Variants in CLOCK observed in about 807,000 individuals in gnomAD.
CLOCK encodes the protein clock circadian regulator.
Under a neutral mutation model 118.4 loss-of-function variants are expected in CLOCK, and 43 were observed. The observed-to-expected ratio is 0.36, with a 90% CI of 0.28 to 0.47. The LOEUF is 0.47. Among genes scored for constraint, CLOCK ranks in the 20% least tolerant of loss-of-function variants. The pLI is 1.00. For synonymous variants in CLOCK, 326 were observed against 339.2 expected (o/e 0.96, Z 0.43); for missense variants, 846 against 999.9 (o/e 0.85, Z 2.08).
intron 1 of CLOCK, among the ~76,000 whole-genome samples, chr4:55,531,888 A>AT (rs1299684829): frequency 1.4e-5 from 2 of 143,150 alleles, no homozygotes; most frequent in South Asian, 2.4e-4. Context: ...ATGAATAGTG[A>AT]TTTTTTAAAT....
intron 13 of CLOCK, 93 bp from the exon 14 acceptor site, chr4:55,453,917 A>T: frequency 1.1e-6 from 1 of 932,728 alleles, no homozygotes; most frequent in Non-Finnish European, 1.6e-6. Context: ...TTAAGTTTAC[A>T]CATACTATTA....
chr4:55,460,380 C>G (rs1204749156), intron 9 of CLOCK, among the ~76,000 whole-genome samples: 2 of 152,226 alleles, frequency 1.3e-5, no homozygotes, highest in African/African-American at 4.8e-5. Context: ...GACATTCGAA[C>G]TTGATTGTCC....
At chr4:55,506,169 T>C (rs1728784302) in intron 2 of CLOCK, among the ~76,000 whole-genome samples, 1 of 152,196 alleles carries the variant, frequency 6.6e-6, no homozygotes, top group South Asian at 2.1e-4. Context: ...CTGTCATGTC[T>C]ACCCAGACTT....
rs539024503 is a variant in CLOCK, at chr4:55,432,533, T to C, written c.*2882A>G. 16 of 145,804 alleles carry C rather than the reference T, an allele frequency of 1.1e-4. No homozygotes were observed. The highest frequency in any genetic ancestry group is 3.5e-4 in the African/African-American group (14 of 39,488). The allele number at this position is 145,804 out of a possible 1,614,324, so 9.0% of individuals were successfully genotyped here. ...TTCTATTTGGTATCTTTAAATGCTA[T>C]AGATTTGGGATTTTAACTAACAGCT... On this transcript the variant is annotated 3_prime_UTR_variant, in exon 23 of 23. Coordinates refer to ENST00000513440, the MANE Select transcript of CLOCK (RefSeq NM_004898.4).
chr4:55,508,541 C>T (rs1032248371), intron 2 of CLOCK, among the ~76,000 whole-genome samples: 12 of 152,128 alleles, frequency 7.9e-5, no homozygotes, highest in Non-Finnish European at 8.8e-5. Flanking sequence ...ACTCCTTCAG[C>T]CATGTAGAGC....
At position 55,430,871 on chromosome 4, in the gene CLOCK, A is replaced by C. The variant is rs1051843556; in HGVS notation, c.*4544T>G. 2.0e-5 allele frequency: 3 copies of C among 152,178 alleles called. No homozygotes were observed. The highest frequency in any genetic ancestry group is 4.4e-5 in the Non-Finnish European group (3 of 68,036). The allele number at this position is 152,178 out of a possible 1,614,324, so 9.4% of individuals were successfully genotyped here. A position where few individuals can be genotyped will look rare whatever the true frequency, so the allele number is the denominator to read the frequency against. ...CAAGATAGGTTTACAATAGTGTTTA[A>C]ATCAAACTAGGCATCTACAATCTCT... On this transcript the variant is annotated 3_prime_UTR_variant, in exon 23 of 23. Coordinates refer to ENST00000513440, the MANE Select transcript of CLOCK (RefSeq NM_004898.4).
chr4:55,479,116 G>A, intron 5 of CLOCK, 153 bp from the exon 6 acceptor site: 10 of 583,882 alleles, frequency 1.7e-5, no homozygotes, highest in South Asian at 1.0e-4. Context: ...AGTTAATTTG[G>A]GCAATAATTT....
intron 1 of CLOCK, chr4:55,546,008 C>G (rs1731593943): frequency 6.6e-6 from 1 of 152,344 alleles, no homozygotes; most frequent in Admixed American, 6.5e-5. Context: ...CGGCCGGCAA[C>G]GGCGGCCGTT....
At position 55,443,792 on chromosome 4, in the gene CLOCK, G is replaced by T; in HGVS notation, c.1797C>A (p.Gly599=). 6.2e-7 allele frequency: 1 copy of T among 1,613,964 alleles called. No homozygotes were observed. Among genetic ancestry groups the T allele is most frequent in the Non-Finnish European group, 8.5e-7 (1 of 1,179,896 alleles). ...IQQLAPINMQ[G]QVVPTNQIQS... ...GAATCTGGTTAGTAGGAACAACTTGGCCTTGCATATTTATAGGTGCAAGTT... is the reference window on the plus strand; with the variant it reads ...GAATCTGGTTAGTAGGAACAACTTGTCCTTGCATATTTATAGGTGCAAGTT... The change falls in exon 20 of 23, where the codon GGC becomes GGA. Residue 599 remains glycine, a synonymous_variant. Transcript: ENST00000513440.
intron 1 of CLOCK, among the ~76,000 whole-genome samples, chr4:55,546,266 C>CT (rs1731616453): frequency 6.6e-6 from 1 of 152,166 alleles, no homozygotes; most frequent in South Asian, 2.1e-4. Context: ...CCCGGCCCCG[C>CT]CGTGCACCCC....
intron 17 of CLOCK, 56 bp downstream of exon 17, chr4:55,449,340 C>A (rs573758834): frequency 4.8e-6 from 7 of 1,445,040 alleles, no homozygotes; most frequent in Non-Finnish European, 6.8e-6. Flanking sequence ...AGATTTAGAT[C>A]ATTTTTCCCC....
In CLOCK at chr4:55,443,760, C is replaced by T. The variant is rs147347455; in HGVS notation, c.1829G>A (p.Gly610Glu). 59 of 1,613,874 alleles carry T rather than the reference C, an allele frequency of 3.7e-5. No homozygotes were observed. The highest frequency in any genetic ancestry group is 4.8e-5 in the Non-Finnish European group (57 of 1,179,956). The change falls in exon 20 of 23, where the codon GGA becomes GAA. Residue 610 changes from glycine to glutamate, a missense_variant. Physicochemically the swap from Gly to Glu is moderately conservative, Grantham distance 98. Around this residue, in one of 4 missense-constraint regions of CLOCK, gnomAD observed 520 missense variants for 558.0 expected, o/e 0.93. Coordinates refer to ENST00000513440, the MANE Select transcript of CLOCK (RefSeq NM_004898.4). ...TGTGCCAATGTGTCCAGTATTCATT[C>T]CACTTTGAATCTGGTTAGTAGGAAC... ...QVVPTNQIQS[G>E]MNTGHIGTTQ...
chr4:55,447,489 A>G (rs1036521973), intron 18 of CLOCK, among the ~76,000 whole-genome samples: 2 of 152,266 alleles, frequency 1.3e-5, no homozygotes, highest in African/African-American at 4.8e-5. Context: ...TCTATCAAGT[A>G]CAAAAGAAAA....
chr4:55,458,879 AT>A lies in CLOCK; in HGVS notation c.792+12del, dbSNP rs1326833738. The A allele has an allele frequency of 6.3e-7, 1 of 1,579,638 alleles. No homozygotes were observed. Among genetic ancestry groups the A allele is most frequent in the African/African-American group, 1.3e-5 (1 of 74,228 alleles). ...ACTGAAATCCCCTTTGGGAAATAAA[AT>A]TAAAAACATACCTTGATGAACTGAG... is the stretch of plus-strand genomic sequence containing the variant. On this transcript the variant is annotated intron_variant, in intron 11 of 22. Transcript: ENST00000513440.
At position 55,442,618 on chromosome 4, in the gene CLOCK, A is replaced by G. The variant is rs1177600711; in HGVS notation, c.1919T>C (p.Leu640Pro). 1.9e-6 allele frequency: 3 copies of G among 1,613,134 alleles called. No homozygotes were observed. In the African/African-American group the frequency reaches 4.0e-5, roughly 22 times the overall value. The change falls in exon 21 of 23, where the codon CTG (leucine) becomes CCG (proline). Residue 640 changes from leucine to proline, a missense_variant. Around this residue, in one of 4 missense-constraint regions of CLOCK, gnomAD observed 520 missense variants for 558.0 expected, o/e 0.93. Coordinates refer to ENST00000513440, the MANE Select transcript of CLOCK (RefSeq NM_004898.4). ...STSTQSQQNV[L>P]SGHSQQTSLP... The stretch of plus-strand genomic sequence containing the variant: ...AGATGTTTGCTGACTGTGCCCACTC[A>G]GTACATTTTGTTGACTCTGTTAAAA...
intron 1 of CLOCK, among the ~76,000 whole-genome samples, chr4:55,515,585 G>A (rs1023513293): frequency 6.6e-6 from 1 of 151,970 alleles, no homozygotes; most frequent in Non-Finnish European, 1.5e-5. Context: ...GGGTTTCACC[G>A]TGTTAGCCAG....
Position 55,435,043 on chromosome 4 carries a change from A to C in CLOCK, c.*372T>G, listed in dbSNP as rs1432840940. On this transcript the variant is annotated 3_prime_UTR_variant, in exon 23 of 23. Transcript: ENST00000513440. Reference sequence around the variant, plus strand: ...ATGGCAGTGGTATGTCCTCTGTAACACTTGATAAGAGGCACAGAACCACTA... The same window carrying C: ...ATGGCAGTGGTATGTCCTCTGTAACCCTTGATAAGAGGCACAGAACCACTA... 3.1e-6 allele frequency: 1 copy of C among 321,220 alleles called. No homozygotes were observed. The highest frequency in any genetic ancestry group is 6.1e-6 in the Non-Finnish European group (1 of 163,154). 19.9% of individuals were successfully genotyped at this position (321,220 alleles called of 1,614,324 possible). A position where few individuals can be genotyped will look rare whatever the true frequency, so the allele number is the denominator to read the frequency against.
intron 11 of CLOCK, among the ~76,000 whole-genome samples, chr4:55,456,666 T>C (rs929275045): frequency 1.4e-4 from 21 of 152,110 alleles, no homozygotes; most frequent in African/African-American, 3.4e-4. Context: ...GTTGTTTCTA[T>C]GTATGTATAT....
chr4:55,436,173 G>T (rs980193358), intron 22 of CLOCK, among the ~76,000 whole-genome samples: 1 of 152,040 alleles, frequency 6.6e-6, no homozygotes, highest in African/African-American at 2.4e-5. Context: ...ACCACATTGG[G>T]TTCTTAATAA....
Sources: allele counts gnomAD v4.1 joint callset (sites outside exome capture counted in the v4.1 genomes callset), GRCh38; gene constraint gnomAD v4.1.1; regional missense constraint gnomAD v4.1.1; transcripts MANE v1.5; gene names NCBI Gene and HGNC (gene_info 2026-07-23, HGNC 2026-07-21).